Variants in SPATA6L observed in about 807,000 individuals in gnomAD.
SPATA6L encodes the protein spermatogenesis associated 6-like protein.
A neutral mutation model predicts 49.2 loss-of-function variants in SPATA6L; 68 were observed. The observed-to-expected ratio is 1.38, with a 90% CI of 1.14 to 1.69. The LOEUF is 1.69. SPATA6L is among the 40% of genes most tolerant of loss of function. SPATA6L has a pLI of 0.00. For synonymous variants in SPATA6L, 198 were observed against 165.7 expected, an observed-to-expected ratio of 1.19 and a Z score of -1.50; for missense variants, 668 against 464.3, an observed-to-expected ratio of 1.44 and a Z score of -4.03.
intron 2 of SPATA6L, 114 bp downstream of exon 2, chr9:4,661,785 G>C (rs1339746736): frequency 8.8e-7 from 1 of 1,131,830 alleles, no homozygotes; most frequent in East Asian, 2.9e-5. Context: ...AAGTGCTTTC[G>C]GATAATTTTT....
rs1157887509 is a variant in SPATA6L, at chr9:4,599,218, G to A, written c.*1593C>T. On this transcript the variant is annotated 3_prime_UTR_variant, in exon 12 of 12. Coordinates refer to ENST00000682582, the MANE Select transcript of SPATA6L (RefSeq NM_001353486.2). Reference sequence around the variant, plus strand: ...AGATGTGGAATTTTTCACTTATGGTGTTATATTGGTGCTCAAAAAGTTTTG... The same window carrying A: ...AGATGTGGAATTTTTCACTTATGGTATTATATTGGTGCTCAAAAAGTTTTG... Among the ~76,000 whole-genome samples the A allele has an allele frequency of 1.3e-5, 2 of 152,158 alleles. No homozygotes were observed. Among genetic ancestry groups the A allele is most frequent in the African/African-American group, 4.8e-5 (2 of 41,436 alleles).
chr9:4,662,286 G>C lies in SPATA6L; in HGVS notation c.40-250C>G, dbSNP rs4352899. Reference sequence around the variant, plus strand: ...CGCCGGCTCCTCTCCCCGCCCCTCCGGGATGGTAGTGCGGAAGCGGAAGAG... The same window carrying C: ...CGCCGGCTCCTCTCCCCGCCCCTCCCGGATGGTAGTGCGGAAGCGGAAGAG... On this transcript the variant is annotated intron_variant, in intron 1 of 11. Transcript: ENST00000682582. The surrounding 1 kb of genome is among the most constrained non-coding windows in gnomAD (Gnocchi z 4.9). The C allele has an allele frequency of 0.11, 150,880 of 1,433,712 alleles. 9,875 individuals carry two copies. Among genetic ancestry groups the C allele is most frequent in the East Asian group, 0.28 (11,197 of 39,660 alleles). The allele number at this position is 1,433,712 out of a possible 1,614,324, so 88.8% of individuals were successfully genotyped here. A position where few individuals can be genotyped will look rare whatever the true frequency, so the allele number is the denominator to read the frequency against.
At chr9:4,658,786 G>T (rs1385049886) in intron 2 of SPATA6L, among the ~76,000 whole-genome samples, 1 of 152,102 alleles carries the variant, frequency 6.6e-6, no homozygotes, top group Admixed American at 6.6e-5. Context: ...GAGGCCAGGA[G>T]TTTGAGACCA....
chr9:4,653,102 G>C (rs1424297960), intron 3 of SPATA6L, among the ~76,000 whole-genome samples: 1 of 152,162 alleles, frequency 6.6e-6, no homozygotes, highest in East Asian at 1.9e-4. Flanking sequence ...TACACTTCCT[G>C]GTTTTGAAAT....
intron 4 of SPATA6L, chr9:4,633,059 G>A (rs962330743): frequency 6.4e-6 from 1 of 155,880 alleles, no homozygotes; most frequent in African/African-American, 2.4e-5. Context: ...TCCAGCCACT[G>A]GCTGCCAGAA....
chr9:4,602,850 C>G (rs923084388), intron 11 of SPATA6L, among the ~76,000 whole-genome samples: 12 of 152,218 alleles, frequency 7.9e-5, no homozygotes, highest in African/African-American at 2.7e-4. Context: ...CCTCAGTTTT[C>G]CTATCTGTAA....
intron 1 of SPATA6L, chr9:4,664,043 C>T (rs1840471642): frequency 6.0e-6 from 1 of 167,074 alleles, no homozygotes; most frequent in African/African-American, 2.4e-5. Context: ...GTAGGCATAT[C>T]TAAGATGCTC....
At position 4,666,361 on chromosome 9, in the gene SPATA6L, T is replaced by A; in HGVS notation, c.-111A>T. On this transcript the variant is annotated 5_prime_UTR_variant, in exon 1 of 12. Coordinates refer to ENST00000682582, the MANE Select transcript of SPATA6L (RefSeq NM_001353486.2). ...CCTAGAGCAAATGTTCCCAGAAGCT[T>A]CCCCAGTCCCACGCCCTTGTTCCCC... is the stretch of plus-strand genomic sequence containing the variant. 8.6e-7 allele frequency: 1 copy of A among 1,160,098 alleles called. No individual in the cohort carries two copies. Among genetic ancestry groups the A allele is most frequent in the Non-Finnish European group, 1.3e-6 (1 of 782,868 alleles). 71.9% of individuals were successfully genotyped at this position (1,160,098 alleles called of 1,614,324 possible).
chr9:4,654,483 TG>T (rs1837643108), intron 3 of SPATA6L, among the ~76,000 whole-genome samples: 1 of 152,150 alleles, frequency 6.6e-6, no homozygotes, highest in Non-Finnish European at 1.5e-5. Context: ...CGTCTATAGG[TG>T]GCTTGTGTTA....
chr9:4,655,879 G>T (rs562408146), intron 3 of SPATA6L, among the ~76,000 whole-genome samples, 162 bp downstream of exon 3: 2 of 152,258 alleles, frequency 1.3e-5, no homozygotes, highest in Admixed American at 6.5e-5. Flanking sequence ...AAAAGGGTAT[G>T]TAACAGAATC....
rs538841824 is a variant in SPATA6L, at chr9:4,599,291, C to G, written c.*1520G>C. ...CAGATTTTTAGATTGGGAGGTTCAACTTGGATATACCTTTATTTGGCTGAA... is the reference window on the plus strand; with the variant it reads ...CAGATTTTTAGATTGGGAGGTTCAAGTTGGATATACCTTTATTTGGCTGAA... On this transcript the variant is annotated 3_prime_UTR_variant, in exon 12 of 12. Coordinates refer to ENST00000682582, the MANE Select transcript of SPATA6L (RefSeq NM_001353486.2). 6.6e-6 allele frequency among the ~76,000 whole-genome samples: 1 copy of G among 152,200 alleles called. No homozygotes were observed. The highest frequency in any genetic ancestry group is 2.1e-4 in the South Asian group (1 of 4,826).
At chr9:4,606,240 C>A (rs1306139116) in intron 9 of SPATA6L, among the ~76,000 whole-genome samples, 1 of 145,288 alleles carries the variant, frequency 6.9e-6, no homozygotes, top group Non-Finnish European at 1.5e-5. Flanking sequence ...CCGCCATTGC[C>A]CAGGCTTGCT....
At chr9:4,617,666 T>A (rs1828317197) in intron 9 of SPATA6L, 1 of 348,464 alleles carries the variant, frequency 2.9e-6, no homozygotes, top group South Asian at 1.4e-4. Context: ...AAGGTTTAGT[T>A]TTTAAATTTA....
At chr9:4,604,100 G>C in intron 11 of SPATA6L, 79 bp downstream of exon 11, 1 of 919,376 alleles carries the variant, frequency 1.1e-6, no homozygotes, top group South Asian at 1.6e-5. Flanking sequence ...ACTTCATATT[G>C]ATAGGAGGAA....
At chr9:4,595,594 T>A (rs180753546), downstream of SPATA6L, among the ~76,000 whole-genome samples, 1 of 152,260 alleles carries the variant, frequency 6.6e-6, no homozygotes, top group African/African-American at 2.4e-5. Context: ...ATACATATGC[T>A]TCATTATACT....
intron 3 of SPATA6L, among the ~76,000 whole-genome samples, chr9:4,637,948 C>T (rs10491729): frequency 0.028 from 4,205 of 152,230 alleles, 203 homozygotes; most frequent in African/African-American, 0.094. Context: ...CATTCATTTT[C>T]CAATAATTTA....
chr9:4,597,814 G>A (rs1367370300), downstream of SPATA6L, among the ~76,000 whole-genome samples: 1 of 152,180 alleles, frequency 6.6e-6, no homozygotes, highest in East Asian at 1.9e-4. Context: ...GTCCCATCCG[G>A]TGGTACTAGT....
chr9:4,629,787 A>G (rs1033393049), intron 4 of SPATA6L, among the ~76,000 whole-genome samples: 1 of 145,108 alleles, frequency 6.9e-6, no homozygotes, highest in Non-Finnish European at 1.5e-5. Flanking sequence ...ATATATATAT[A>G]TATATATATA....
intron 11 of SPATA6L, among the ~76,000 whole-genome samples, chr9:4,601,377 T>TC (rs888928733): frequency 6.6e-6 from 1 of 151,144 alleles, no homozygotes; most frequent in African/African-American, 2.4e-5. Flanking sequence ...GGTTTTTTTT[T>TC]TTGTTTGGTT....
Sources: allele counts gnomAD v4.1 joint callset (sites outside exome capture counted in the v4.1 genomes callset), GRCh38; gene constraint gnomAD v4.1.1; non-coding constraint Gnocchi (gnomAD v3.1); transcripts MANE v1.5; gene names NCBI Gene and HGNC (gene_info 2026-07-23, HGNC 2026-07-21).